The following AKT3 variants were observed in gnomAD, a reference collection of about 807,000 sequenced individuals.
AKT3 encodes the protein AKT serine/threonine kinase 3.
Under a neutral mutation model 65.3 loss-of-function variants are expected in AKT3, and 15 were observed. The observed-to-expected ratio is 0.23, with a 90% CI of 0.15 to 0.35. The LOEUF (loss-of-function observed/expected upper bound fraction) is 0.35. Among genes scored for constraint, AKT3 ranks in the 10% least tolerant of loss-of-function variants. AKT3 has a pLI of 1.00. For missense variants in AKT3, 243 were observed against 576.5 expected (o/e 0.42, Z 5.92); for synonymous variants, 206 against 183.8 (o/e 1.12, Z -0.98).
intron 8 of AKT3, among the ~76,000 whole-genome samples, chr1:243,575,188 C>A (rs1426664071): frequency 6.6e-6 from 1 of 152,128 alleles, no homozygotes; most frequent in Non-Finnish European, 1.5e-5. Context: ...CACCTACTGC[C>A]CTCTTTCTTG....
At chr1:243,554,118 T>C (rs1673254205) in intron 10 of AKT3, among the ~76,000 whole-genome samples, 1 of 152,254 alleles carries the variant, frequency 6.6e-6, no homozygotes, top group East Asian at 1.9e-4. Context: ...TCTCACAGAA[T>C]TACAGGTGAT....
At chr1:243,778,987 T>C (rs1239051187) in intron 2 of AKT3, among the ~76,000 whole-genome samples, 2 of 152,118 alleles carry the variant, frequency 1.3e-5, no homozygotes. Context: ...AATATTCCAT[T>C]GTATTGCTGT....
At chr1:243,734,939 C>T (rs1490253323) in intron 2 of AKT3, 1 of 151,212 alleles carries the variant, frequency 6.6e-6, no homozygotes, top group Non-Finnish European at 1.5e-5. Flanking sequence ...TATAAACATA[C>T]ATATTAGCCT....
At chr1:243,730,292 G>A (rs112828092) in intron 2 of AKT3, among the ~76,000 whole-genome samples, 155 of 152,238 alleles carry the variant, frequency 1.0e-3, no homozygotes, top group Non-Finnish European at 1.9e-3. Flanking sequence ...GCCCGCTTTG[G>A]GTCTCCTCTC....
intron 8 of AKT3, among the ~76,000 whole-genome samples, chr1:243,601,252 AGAC>A (rs1676979910): frequency 6.6e-6 from 1 of 152,152 alleles, no homozygotes; most frequent in Admixed American, 6.5e-5. Flanking sequence ...CTCAATATTA[AGAC>A]AACAACCTAA....
intron 5 of AKT3, among the ~76,000 whole-genome samples, chr1:243,640,619 CGAGA>C (rs1680305789): frequency 6.6e-6 from 1 of 152,036 alleles, no homozygotes; most frequent in Admixed American, 6.6e-5. Flanking sequence ...ATTACCACTC[CGAGA>C]GAGAGACCAA....
rs138406754 is a variant in AKT3, at chr1:243,583,087, CAT to C, written c.697-10041_697-10040del. Among the ~76,000 whole-genome samples, 605 of 143,784 alleles carry C rather than the reference CAT, an allele frequency of 4.2e-3. 3 individuals are homozygous for C. Among genetic ancestry groups the C allele is most frequent in the Non-Finnish European group, 5.4e-3 (359 of 65,888 alleles). The allele number at this position is 143,784 out of a possible 152,430, so 94.3% of individuals were successfully genotyped here. On this transcript the variant is annotated intron_variant, in intron 8 of 13. Coordinates refer to ENST00000673466, the MANE Select transcript of AKT3 (RefSeq NM_005465.7). Reference sequence around the variant, plus strand: ...ACTTAACTATCACATATATATCTTCCATATATATATATATCTCTCTCTCTCTT... The same window carrying C: ...ACTTAACTATCACATATATATCTTCCATATATATATATCTCTCTCTCTCTT...
intron 2 of AKT3, among the ~76,000 whole-genome samples, chr1:243,816,673 A>C (rs1392822279): frequency 6.6e-6 from 1 of 152,240 alleles, no homozygotes; most frequent in Non-Finnish European, 1.5e-5. Flanking sequence ...CACCGTAGAA[A>C]GAAATAGTTT....
intron 10 of AKT3, among the ~76,000 whole-genome samples, chr1:243,559,856 A>G (rs571274757): frequency 1.4e-4 from 21 of 152,242 alleles, no homozygotes; most frequent in African/African-American, 4.6e-4. Flanking sequence ...ACTGTCACGA[A>G]AAGCCCAGCA....
chr1:243,531,430 G>GA (rs2148413657), intron 12 of AKT3, among the ~76,000 whole-genome samples: 1 of 152,260 alleles, frequency 6.6e-6, no homozygotes, highest in African/African-American at 2.4e-5. Context: ...TATGATTCAA[G>GA]CAAATATTGT....
At position 243,711,697 on chromosome 1, in the gene AKT3, T is replaced by C. The variant is rs558827653; in HGVS notation, c.47-15981A>G. On this transcript the variant is annotated intron_variant, in intron 2 of 13. Coordinates refer to ENST00000673466, the MANE Select transcript of AKT3 (RefSeq NM_005465.7). ...AAGACATTCTAAATATATTATCTCA[T>C]TTTGTTTTCACAAGATCCTTGAATA... Among the ~76,000 whole-genome samples the C allele has an allele frequency of 2.2e-3, 341 of 152,330 alleles. 1 individual carries two copies. The highest frequency in any genetic ancestry group is 8.0e-3 in the African/African-American group (333 of 41,582).
intron 3 of AKT3, among the ~76,000 whole-genome samples, chr1:243,685,563 G>A (rs1028651032): frequency 4.6e-5 from 7 of 152,128 alleles, no homozygotes; most frequent in African/African-American, 1.4e-4. Context: ...CCAGTAGCAC[G>A]CTGTTTTTGT....
At chr1:243,779,814 C>T (rs2148304045) in intron 2 of AKT3, among the ~76,000 whole-genome samples, 1 of 152,170 alleles carries the variant, frequency 6.6e-6, no homozygotes. Context: ...CCCAGCAAGT[C>T]CTCAAAAATT....
intron 2 of AKT3, among the ~76,000 whole-genome samples, chr1:243,759,896 A>C (rs1689378455): frequency 6.6e-6 from 1 of 152,188 alleles, no homozygotes; most frequent in South Asian, 2.1e-4. Flanking sequence ...CAAAATTAGG[A>C]CTCTGATAAG....
chr1:243,522,761 A>G (rs1670801434), intron 12 of AKT3, among the ~76,000 whole-genome samples: 1 of 152,236 alleles, frequency 6.6e-6, no homozygotes, highest in Non-Finnish European at 1.5e-5. Flanking sequence ...GTAGGTTACT[A>G]GGCAGTAACA....
intron 6 of AKT3, among the ~76,000 whole-genome samples, chr1:243,629,203 G>T: frequency 6.6e-6 from 1 of 152,194 alleles, no homozygotes; most frequent in Non-Finnish European, 1.5e-5. Context: ...TTGCACCTGG[G>T]AGGCAGAGGT....
chr1:243,782,281 C>G (rs756481215), intron 2 of AKT3, among the ~76,000 whole-genome samples: 4 of 151,852 alleles, frequency 2.6e-5, no homozygotes, highest in Non-Finnish European at 5.9e-5. Context: ...TCTGCTTGGG[C>G]AACTGTAACA....
chr1:243,564,556 A>G (rs1674017038), intron 9 of AKT3, among the ~76,000 whole-genome samples: 1 of 152,170 alleles, frequency 6.6e-6, no homozygotes, highest in African/African-American at 2.4e-5. Flanking sequence ...CCTCAAGCGG[A>G]AAATTATGAA....
intron 3 of AKT3, among the ~76,000 whole-genome samples, chr1:243,665,210 A>C (rs1682681464): frequency 6.6e-6 from 1 of 152,130 alleles, no homozygotes; most frequent in Non-Finnish European, 1.5e-5. Context: ...CATATGCATC[A>C]CCTGCAGTCA....
Sources: gnomAD v4.1 joint callset for allele counts (sites outside exome capture counted in the v4.1 genomes callset) on GRCh38, gnomAD v4.1.1 for gene constraint, MANE v1.5 for transcripts, NCBI Gene and HGNC (gene_info 2026-07-23, HGNC 2026-07-21) for gene names.